The following QKI variants were observed in gnomAD, a reference collection of about 807,000 sequenced individuals.
The protein encoded by QKI is KH domain-containing RNA-binding protein QKI.
A neutral mutation model predicts 39.0 loss-of-function variants in QKI; 10 were observed. The ratio of observed to expected loss-of-function variants is 0.26; its 90% CI spans 0.16 to 0.43. The LOEUF (loss-of-function observed/expected upper bound fraction) is 0.43, where lower values mean the gene tolerates loss of function less well. Among genes scored for constraint, QKI ranks in the 20% least tolerant of loss-of-function variants. The probability of loss-of-function intolerance (pLI) is 1.00; values close to 1 mark genes in which losing one functional copy is unlikely to be tolerated. For synonymous variants in QKI, 204 were observed against 155.4 expected, an observed-to-expected ratio of 1.31 and a Z score of -2.33; for missense variants, 218 against 428.0, an observed-to-expected ratio of 0.51 and a Z score of 4.33.
chr6:163,543,050 T>A (rs761287691), intron 4 of QKI, among the ~76,000 whole-genome samples: 5 of 152,056 alleles, frequency 3.3e-5, no homozygotes, highest in Non-Finnish European at 7.4e-5. Context: ...GCCATATGCA[T>A]TTGACTCATA....
At chr6:163,457,694 T>C (rs1791026059) in intron 2 of QKI, 1 of 326,378 alleles carries the variant, frequency 3.1e-6, no homozygotes, top group Non-Finnish European at 6.0e-6. Flanking sequence ...TAGGTGATCA[T>C]GTACCTGGTC....
chr6:163,566,401 G>A, intron 6 of QKI: 2 of 1,223,646 alleles, frequency 1.6e-6, no homozygotes, highest in African/African-American at 1.6e-5. Flanking sequence ...TGCAAGAAAG[G>A]CACTTCAGTG....
chr6:163,528,343 C>G (rs1780637948), intron 3 of QKI, among the ~76,000 whole-genome samples: 1 of 152,080 alleles, frequency 6.6e-6, no homozygotes, highest in Non-Finnish European at 1.5e-5. Flanking sequence ...TGGTTTTTCA[C>G]TATTTTATGA....
chr6:163,535,059 T>C lies in QKI; in HGVS notation c.480T>C (p.Ala160=). 6.2e-7 allele frequency: 1 copy of C among 1,612,302 alleles called. No homozygotes were observed. Among genetic ancestry groups the C allele is most frequent in the Non-Finnish European group, 8.5e-7 (1 of 1,179,148 alleles). ...ATGTACTAATCACTGTGGAAGATGC[T>C]CAGAACAGAGCAGAAATCAAATTGA... is the stretch of plus-strand genomic sequence containing the variant. ...DLHVLITVED[A]QNRAEIKLKR... Residue 160 remains alanine, a synonymous_variant, in exon 4 of 8, where the codon GCT becomes GCC. Coordinates refer to ENST00000361752, the MANE Select transcript of QKI (RefSeq NM_006775.3).
intron 4 of QKI, among the ~76,000 whole-genome samples, chr6:163,539,340 A>G (rs896236644): frequency 7.2e-5 from 11 of 152,136 alleles, no homozygotes; most frequent in Non-Finnish European, 1.2e-4. Context: ...GTGGGGTTAA[A>G]AGTGTCACTG....
intron 1 of QKI, among the ~76,000 whole-genome samples, chr6:163,434,222 C>A (rs1221532059): frequency 6.6e-6 from 1 of 151,980 alleles, no homozygotes; most frequent in Non-Finnish European, 1.5e-5. Flanking sequence ...AGAGGCATGC[C>A]CAGCCTGAGA....
chr6:163,465,819 A>C (rs1583036874), intron 2 of QKI, among the ~76,000 whole-genome samples: 1 of 151,968 alleles, frequency 6.6e-6, no homozygotes, highest in Admixed American at 6.6e-5. Flanking sequence ...CTAACAACAA[A>C]CTATTCAAAA....
At chr6:163,497,691 A>G (rs1344082484) in intron 3 of QKI, among the ~76,000 whole-genome samples, 1 of 151,208 alleles carries the variant, frequency 6.6e-6, no homozygotes, top group Non-Finnish European at 1.5e-5. Context: ...TTGTATTTTG[A>G]TAGCATGCTT....
intron 3 of QKI, among the ~76,000 whole-genome samples, chr6:163,492,456 G>T (rs1404514035): frequency 2.0e-5 from 3 of 152,102 alleles, no homozygotes; most frequent in Non-Finnish European, 4.4e-5. Context: ...CAACAATTGT[G>T]AATCTCAGAT....
chr6:163,508,587 T>C (rs1415454121), intron 3 of QKI, among the ~76,000 whole-genome samples: 1 of 150,512 alleles, frequency 6.6e-6, no homozygotes, highest in Non-Finnish European at 1.5e-5. Flanking sequence ...TGGAGTGCAG[T>C]GGTGCAATCT....
intron 1 of QKI, among the ~76,000 whole-genome samples, chr6:163,419,996 G>A (rs1314098386): frequency 6.6e-6 from 1 of 152,104 alleles, no homozygotes; most frequent in African/African-American, 2.4e-5. Flanking sequence ...AGAGCAAATG[G>A]TTTTTGGTTT....
At chr6:163,487,087 G>A (rs1777729659) in intron 3 of QKI, among the ~76,000 whole-genome samples, 1 of 152,120 alleles carries the variant, frequency 6.6e-6, no homozygotes, top group Non-Finnish European at 1.5e-5. Flanking sequence ...GGCAATTGGT[G>A]GCATGACATC....
chr6:163,466,896 C>T (rs1292795665), intron 2 of QKI, among the ~76,000 whole-genome samples: 1 of 152,094 alleles, frequency 6.6e-6, no homozygotes, highest in Non-Finnish European at 1.5e-5. Context: ...AGCTGACATG[C>T]TTCTGCACAG....
chr6:163,508,387 G>A lies in QKI; in HGVS notation c.403-26595G>A, dbSNP rs1779226431. Reference sequence around the variant, plus strand: ...AGATTATAAAGAACCAATCATGAAAGCAGCAAGAAAAAATTACACACCATA... The same window carrying A: ...AGATTATAAAGAACCAATCATGAAAACAGCAAGAAAAAATTACACACCATA... On this transcript the variant is annotated intron_variant, in intron 3 of 7. Coordinates refer to ENST00000361752, the MANE Select transcript of QKI (RefSeq NM_006775.3). 1.3e-5 allele frequency among the ~76,000 whole-genome samples: 2 copies of A among 151,728 alleles called. 1 individual carries two copies. The highest frequency in any genetic ancestry group is 2.9e-5 in the Non-Finnish European group (2 of 67,834).
chr6:163,520,870 T>C (rs1387624066), intron 3 of QKI, among the ~76,000 whole-genome samples: 3 of 152,164 alleles, frequency 2.0e-5, no homozygotes, highest in Non-Finnish European at 4.4e-5. Context: ...TATATCACTT[T>C]TTATAGTTCT....
chr6:163,532,176 G>T (rs1446025749), intron 3 of QKI, among the ~76,000 whole-genome samples: 4 of 152,176 alleles, frequency 2.6e-5, no homozygotes, highest in African/African-American at 9.7e-5. Flanking sequence ...TCTGCGGCAA[G>T]TCAAATTTTA....
intron 3 of QKI, among the ~76,000 whole-genome samples, chr6:163,522,605 T>C (rs1014666695): frequency 2.0e-5 from 3 of 152,156 alleles, no homozygotes; most frequent in African/African-American, 7.2e-5. Context: ...ACTTTTAACG[T>C]TCTGATTATC....
At chr6:163,523,466 A>C (rs958734007) in intron 3 of QKI, among the ~76,000 whole-genome samples, 6 of 152,326 alleles carry the variant, frequency 3.9e-5, no homozygotes, top group African/African-American at 1.4e-4. Flanking sequence ...ACATTTTGGT[A>C]GATATTTTAG....
intron 2 of QKI, among the ~76,000 whole-genome samples, chr6:163,463,376 C>T (rs1045854548): frequency 2.6e-5 from 4 of 152,070 alleles, no homozygotes; most frequent in African/African-American, 7.2e-5. Context: ...ATTAAGTGAC[C>T]TAATGCATGT....
Sources: allele counts gnomAD v4.1 joint callset (sites outside exome capture counted in the v4.1 genomes callset), GRCh38; gene constraint gnomAD v4.1.1; transcripts MANE v1.5; gene names NCBI Gene and HGNC (gene_info 2026-07-23, HGNC 2026-07-21).